MOBP: variants seen among roughly 807,000 people sequenced by gnomAD.
MOBP encodes the protein myelin associated oligodendrocyte basic protein.
Under a neutral mutation model 15.0 loss-of-function variants are expected in MOBP, and 5 were observed. The ratio of observed to expected loss-of-function variants is 0.33; its 90% confidence interval spans 0.17 to 0.70. MOBP has a LOEUF of 0.70. Among genes scored for constraint, MOBP ranks in the 30% least tolerant of loss-of-function variants. The probability of loss-of-function intolerance (pLI) is 0.67; values close to 1 mark genes in which losing one functional copy is unlikely to be tolerated. For missense variants in MOBP, 188 were observed against 257.8 expected (o/e 0.73, Z 1.85); for synonymous variants, 88 against 99.0 (o/e 0.89, Z 0.66).
intron 1 of MOBP, among the ~76,000 whole-genome samples, chr3:39,471,797 G>T (rs1168899302): frequency 6.6e-6 from 1 of 152,154 alleles, no homozygotes; most frequent in Admixed American, 6.5e-5. Context: ...CGCATAGAAG[G>T]AATCTAACAT....
chr3:39,520,766 C>T (rs1056499382), downstream of MOBP, among the ~76,000 whole-genome samples: 12 of 152,100 alleles, frequency 7.9e-5, no homozygotes, highest in Non-Finnish European at 1.8e-4. Flanking sequence ...GTCATGGCTC[C>T]TGATACAGTA....
intron 1 of MOBP, among the ~76,000 whole-genome samples, chr3:39,472,401 C>A (rs555249755): frequency 6.6e-6 from 1 of 151,988 alleles, no homozygotes; most frequent in Admixed American, 6.5e-5. Flanking sequence ...TCCTAAATAT[C>A]GAATTAGGTT....
chr3:39,524,227 T>G (rs1170489725), intron 3 of MOBP: 1 of 152,100 alleles, frequency 6.6e-6, no homozygotes, highest in Non-Finnish European at 1.5e-5. Flanking sequence ...GTTTGACAGG[T>G]TTTCCTGCCC....
downstream of MOBP, chr3:39,517,836 T>A (rs569798612): frequency 2.0e-5 from 3 of 152,366 alleles, no homozygotes; most frequent in South Asian, 2.1e-4. Context: ...TATTCCTATA[T>A]TTTTAGTTTT....
chr3:39,508,696 T>A (rs1176171502), intron 4 of MOBP, among the ~76,000 whole-genome samples: 2 of 151,942 alleles, frequency 1.3e-5, no homozygotes, highest in Non-Finnish European at 2.9e-5. Context: ...ATTACAGGCA[T>A]GCGCCACCAT....
chr3:39,523,917 C>T (rs953493048), intron 3 of MOBP, among the ~76,000 whole-genome samples: 4 of 152,282 alleles, frequency 2.6e-5, no homozygotes, highest in Non-Finnish European at 5.9e-5. Context: ...ACTTGCCTCC[C>T]CCACAGCGCA....
chr3:39,476,966 T>A (rs2042553385), intron 1 of MOBP, among the ~76,000 whole-genome samples: 1 of 151,890 alleles, frequency 6.6e-6, no homozygotes, highest in South Asian at 2.1e-4. Context: ...TTGTGGATAA[T>A]AGATTGTAGA....
At chr3:39,504,826 AACTT>A (rs2125659672), downstream of MOBP, among the ~76,000 whole-genome samples, 1 of 152,376 alleles carries the variant, frequency 6.6e-6, no homozygotes, top group Admixed American at 6.5e-5. Flanking sequence ...CAGAGCTACT[AACTT>A]GCACATGAAG....
At chr3:39,515,613 T>C (rs1181449212) in exon 5 of MOBP, 1 of 152,226 alleles carries the variant, frequency 6.6e-6, no homozygotes, top group African/African-American at 2.4e-5. Context: ...CTATTTTTTC[T>C]TTTTGTGCGT....
chr3:39,479,322 G>C (rs1379285011), intron 1 of MOBP, among the ~76,000 whole-genome samples: 2 of 151,124 alleles, frequency 1.3e-5, no homozygotes, highest in Non-Finnish European at 2.9e-5. Flanking sequence ...TCAACTAAGA[G>C]AACCAACTAG....
chr3:39,470,133 G>A lies in MOBP; in HGVS notation c.-89+2393G>A, dbSNP rs915048375. 5.3e-5 allele frequency among the ~76,000 whole-genome samples: 8 copies of A among 152,124 alleles called. No homozygotes were observed. The East Asian group carries it at 5.8e-4, about 11-fold the overall frequency. On this transcript the variant is annotated intron_variant, in intron 1 of 3. Transcript: ENST00000684792. ...ACTCCAGGCTGGCTGGCATCCTTTC[G>A]CGGGTTGACGGGGACGTCTGCCCTA... is the stretch of plus-strand genomic sequence containing the variant.
At chr3:39,519,086 C>A (rs549753914), downstream of MOBP, among the ~76,000 whole-genome samples, 43 of 152,320 alleles carry the variant, frequency 2.8e-4, no homozygotes, top group African/African-American at 9.1e-4. Context: ...AGGAAGGCAG[C>A]ATCTCTATTC....
chr3:39,468,398 C>T (rs1308162341), intron 1 of MOBP, among the ~76,000 whole-genome samples: 1 of 152,128 alleles, frequency 6.6e-6, no homozygotes, highest in Non-Finnish European at 1.5e-5. Context: ...ACAGTACTAG[C>T]AGGAAAACGG....
intron 2 of MOBP, among the ~76,000 whole-genome samples, chr3:39,486,059 G>A (rs549512758): frequency 7.9e-5 from 12 of 152,266 alleles, no homozygotes; most frequent in Non-Finnish European, 1.8e-4. Context: ...GTAACCTCAA[G>A]TTGTATAAAA....
At chr3:39,489,900 T>C (rs2042770801) in intron 2 of MOBP, among the ~76,000 whole-genome samples, 1 of 152,276 alleles carries the variant, frequency 6.6e-6, no homozygotes, top group African/African-American at 2.4e-5. Flanking sequence ...TATTTTCTTA[T>C]GTCAATACAA....
intron 1 of MOBP, among the ~76,000 whole-genome samples, chr3:39,477,683 T>TG: frequency 6.6e-6 from 1 of 151,780 alleles, no homozygotes; most frequent in South Asian, 2.1e-4. Context: ...GAAGACATTG[T>TG]TGTCATAGGA....
chr3:39,508,602 T>A (rs1575317022), intron 4 of MOBP, among the ~76,000 whole-genome samples: 1 of 148,618 alleles, frequency 6.7e-6, no homozygotes, highest in Admixed American at 6.8e-5. Flanking sequence ...CAGGCTGGAG[T>A]GCAATGGCAT....
intron 2 of MOBP, among the ~76,000 whole-genome samples, chr3:39,489,727 C>T (rs1024669712): frequency 1.3e-5 from 2 of 151,990 alleles, no homozygotes; most frequent in African/African-American, 4.8e-5. Flanking sequence ...GAGAGTGCTA[C>T]CTCTGGAGGT....
At chr3:39,501,954 C>G (rs913299856) in intron 2 of MOBP, 112 bp from the exon 3 acceptor site, 2 of 875,236 alleles carry the variant, frequency 2.3e-6, no homozygotes. Context: ...GTAGGGCCCC[C>G]CTGAATGTTA....
Sources: gnomAD v4.1 joint callset for allele counts (sites outside exome capture counted in the v4.1 genomes callset) on GRCh38, gnomAD v4.1.1 for gene constraint, MANE v1.5 for transcripts, NCBI Gene and HGNC (gene_info 2026-07-23, HGNC 2026-07-21) for gene names.